MACROD2: variants seen among roughly 807,000 people sequenced by gnomAD.
MACROD2 encodes the protein mono-ADP ribosylhydrolase 2, also known as ADP-ribose glycohydrolase MACROD2.
Under a neutral mutation model 70.4 loss-of-function variants are expected in MACROD2, and 36 were observed. The ratio of observed to expected loss-of-function variants is 0.51; its 90% confidence interval spans 0.39 to 0.68. The LOEUF is 0.68. MACROD2 is among the 30% of genes least tolerant of loss of function. The pLI, the probability that MACROD2 is intolerant of heterozygous loss-of-function variation, is 0.00. For missense variants in MACROD2, 496 were observed against 538.4 expected (o/e 0.92, Z 0.78); for synonymous variants, 172 against 178.8 (o/e 0.96, Z 0.30).
chr20:14,726,476 T>C (rs1174719697), intron 5 of MACROD2, among the ~76,000 whole-genome samples: 1 of 152,196 alleles, frequency 6.6e-6, no homozygotes, highest in East Asian at 1.9e-4. Flanking sequence ...AAGCTTCTTA[T>C]CTGAGCAAGT....
chr20:14,397,734 G>T (rs1435953966), intron 3 of MACROD2, among the ~76,000 whole-genome samples: 1 of 151,820 alleles, frequency 6.6e-6, no homozygotes, highest in Non-Finnish European at 1.5e-5. Flanking sequence ...TTTTTTTTGT[G>T]CTGGGAACAT....
At chr20:14,090,185 A>G (rs568004075) in intron 3 of MACROD2, among the ~76,000 whole-genome samples, 2 of 152,366 alleles carry the variant, frequency 1.3e-5, no homozygotes, top group African/African-American at 4.8e-5. Context: ...ATGTGTGTAT[A>G]TATGTGTGTA....
chr20:15,225,866 G>T (rs558657582), intron 5 of MACROD2, among the ~76,000 whole-genome samples: 2 of 152,142 alleles, frequency 1.3e-5, no homozygotes, highest in African/African-American at 2.4e-5. Flanking sequence ...ATATGGGCGA[G>T]CATATTATCT....
rs138433087 is a variant in MACROD2, at chr20:14,421,737, G to C, written c.272-71742G>C. On this transcript the variant is annotated intron_variant, in intron 3 of 17. Transcript: ENST00000684519. ...ATTTTCCTTCTGTTAGTGATTCCTA[G>C]TTTCATTCCATTGTGATTGGAATTT... Among the ~76,000 whole-genome samples, 53 of 151,996 alleles carry C rather than the reference G, an allele frequency of 3.5e-4. No homozygotes were observed. The East Asian group carries it at 0.01, about 29-fold the overall frequency.
intron 3 of MACROD2, among the ~76,000 whole-genome samples, chr20:14,296,043 G>A (rs2082425103): frequency 6.6e-6 from 1 of 151,780 alleles, no homozygotes; most frequent in Admixed American, 6.6e-5. Context: ...TATCTATATG[G>A]AAACCTAGCT....
intron 3 of MACROD2, among the ~76,000 whole-genome samples, chr20:14,268,742 G>A (rs553612065): frequency 2.7e-4 from 41 of 152,198 alleles, no homozygotes; most frequent in African/African-American, 8.4e-4. Context: ...CTATTCATAT[G>A]AAATATTTAT....
At chr20:15,137,716 A>T (rs980885847) in intron 5 of MACROD2, among the ~76,000 whole-genome samples, 14 of 150,958 alleles carry the variant, frequency 9.3e-5, no homozygotes, top group African/African-American at 2.7e-4. Context: ...TAATAATAAT[A>T]AAAAAAAATA....
At chr20:15,882,074 A>C (rs2064762353) in intron 9 of MACROD2, among the ~76,000 whole-genome samples, 1 of 152,156 alleles carries the variant, frequency 6.6e-6, no homozygotes, top group Admixed American at 6.6e-5. Flanking sequence ...AGAAACTGAC[A>C]TATAGGTTAT....
chr20:14,745,918 A>C (rs1482435910), intron 5 of MACROD2, among the ~76,000 whole-genome samples: 2 of 152,138 alleles, frequency 1.3e-5, no homozygotes, highest in Non-Finnish European at 2.9e-5. Context: ...ATATGGATGC[A>C]GTCCCTCCTG....
chr20:14,071,314 G>GC (rs1192407316), intron 2 of MACROD2, among the ~76,000 whole-genome samples: 2 of 128,432 alleles, frequency 1.6e-5, no homozygotes. Flanking sequence ...AGGCCAGAGT[G>GC]CAGTGGCGCG....
intron 3 of MACROD2, among the ~76,000 whole-genome samples, chr20:14,139,647 A>T (rs969074223): frequency 1.3e-5 from 2 of 152,240 alleles, no homozygotes; most frequent in African/African-American, 4.8e-5. Flanking sequence ...CTATTTTGAG[A>T]TAAACAGAAT....
chr20:15,742,424 G>T (rs1208146851), intron 8 of MACROD2, among the ~76,000 whole-genome samples: 1 of 152,120 alleles, frequency 6.6e-6, no homozygotes, highest in African/African-American at 2.4e-5. Context: ...ACTTATTTTT[G>T]ATCTAAATTA....
intron 6 of MACROD2, among the ~76,000 whole-genome samples, chr20:15,393,633 TG>T (rs1432711460): frequency 6.6e-6 from 1 of 152,238 alleles, no homozygotes; most frequent in Non-Finnish European, 1.5e-5. Context: ...CAATGTCCGC[TG>T]TTAGTTTAAT....
intron 8 of MACROD2, among the ~76,000 whole-genome samples, chr20:15,775,066 G>A (rs975070439): frequency 2.6e-5 from 4 of 152,076 alleles, no homozygotes; most frequent in African/African-American, 7.2e-5. Flanking sequence ...CCAGTCAGAA[G>A]CCAGAAACAG....
At chr20:15,910,198 T>C (rs1292041118) in intron 10 of MACROD2, among the ~76,000 whole-genome samples, 1 of 152,216 alleles carries the variant, frequency 6.6e-6, no homozygotes, top group East Asian at 1.9e-4. Context: ...CAAATTCTGT[T>C]GCTTTTGCTG....
intron 10 of MACROD2, among the ~76,000 whole-genome samples, chr20:15,909,885 A>G (rs1344585206): frequency 1.3e-5 from 2 of 152,132 alleles, no homozygotes; most frequent in African/African-American, 4.8e-5. Context: ...ACTGGAAATT[A>G]CTAATGGAAA....
intron 9 of MACROD2, among the ~76,000 whole-genome samples, chr20:15,870,316 C>A (rs2064562021): frequency 6.6e-6 from 1 of 151,698 alleles, no homozygotes; most frequent in Admixed American, 6.6e-5. Context: ...TTCTGGAGAA[C>A]AGAAATTATT....
intron 3 of MACROD2, among the ~76,000 whole-genome samples, chr20:14,280,702 A>C (rs917759342): frequency 1.3e-5 from 2 of 152,182 alleles, no homozygotes; most frequent in African/African-American, 4.8e-5. Context: ...AAAGCAATAA[A>C]ACATTTCACC....
intron 5 of MACROD2, among the ~76,000 whole-genome samples, chr20:15,152,897 AAATT>A (rs905974685): frequency 3.9e-5 from 6 of 152,228 alleles, no homozygotes; most frequent in Middle Eastern, 3.4e-3. Flanking sequence ...AAAGGAATTG[AAATT>A]AAGAGAAGGG....
Sources: allele counts gnomAD v4.1 joint callset (sites outside exome capture counted in the v4.1 genomes callset), GRCh38; gene constraint gnomAD v4.1.1; transcripts MANE v1.5; gene names NCBI Gene and HGNC (gene_info 2026-07-23, HGNC 2026-07-21).